The following AOAH variants were observed in gnomAD, a reference collection of about 807,000 sequenced individuals.
AOAH encodes acyloxyacyl hydrolase.
AOAH carries 64 observed loss-of-function variants against 92.2 expected under a neutral mutation model. That is an observed-to-expected ratio of 0.69 (90% CI 0.57 to 0.86). The LOEUF is 0.86. AOAH is among the 40% of genes least tolerant of loss of function. The probability of loss-of-function intolerance (pLI) is 0.00; values close to 1 mark genes in which losing one functional copy is unlikely to be tolerated. For synonymous variants in AOAH, 263 were observed against 254.5 expected (o/e 1.03, Z -0.32); for missense variants, 656 against 694.6 (o/e 0.94, Z 0.62).
At chr7:36,538,832 G>A (rs1209347970) in intron 16 of AOAH, among the ~76,000 whole-genome samples, 1 of 152,196 alleles carries the variant, frequency 6.6e-6, no homozygotes, top group African/African-American at 2.4e-5. Flanking sequence ...CTTAGGTGAG[G>A]CTGTACAGTG....
At chr7:36,671,127 T>C (rs1472360049) in intron 3 of AOAH, among the ~76,000 whole-genome samples, 4 of 152,186 alleles carry the variant, frequency 2.6e-5, no homozygotes, top group East Asian at 3.8e-4. Context: ...ATTCATCAAA[T>C]AGACGAAAAG....
intron 12 of AOAH, among the ~76,000 whole-genome samples, chr7:36,592,202 G>T (rs1317137408): frequency 6.6e-6 from 1 of 152,122 alleles, no homozygotes; most frequent in South Asian, 2.1e-4. Flanking sequence ...TGGGTGGAGG[G>T]CATTTAAACA....
chr7:36,637,965 C>T (rs372717161), intron 4 of AOAH, 55 bp from the exon 5 acceptor site: 8 of 1,404,680 alleles, frequency 5.7e-6, no homozygotes, highest in Middle Eastern at 1.8e-4. Context: ...TTTCTTCCTA[C>T]ATCTTTTCTA....
chr7:36,667,306 C>T (rs1795605496), intron 3 of AOAH, among the ~76,000 whole-genome samples: 1 of 152,204 alleles, frequency 6.6e-6, no homozygotes. Flanking sequence ...CTTTGTTCAG[C>T]ATACCCATGC....
intron 2 of AOAH, 120 bp downstream of exon 2, chr7:36,686,579 A>C: frequency 7.7e-6 from 4 of 522,450 alleles, no homozygotes; most frequent in Non-Finnish European, 1.2e-5. Context: ...ATATCAACCC[A>C]CAGAAATAGC....
In AOAH at chr7:36,618,497, G is replaced by A. The variant is rs545379471; in HGVS notation, c.703-152C>T. 12 of 685,614 alleles carry A rather than the reference G, an allele frequency of 1.8e-5. No homozygotes were observed. The South Asian group carries it at 1.8e-4, about 10-fold the overall frequency. The allele number at this position is 685,614 out of a possible 1,614,324, so 42.5% of individuals were successfully genotyped here. The stretch of plus-strand genomic sequence containing the variant: ...TAAGCCCCTAATTCAACATAGCAAC[G>A]CCCTGTGCGAGCGAGTCGGGTTTGG... On this transcript the variant is annotated intron_variant, in intron 9 of 20. Coordinates refer to ENST00000617537, the MANE Select transcript of AOAH (RefSeq NM_001637.4).
At chr7:36,569,853 TC>T (rs1788008564) in intron 13 of AOAH, among the ~76,000 whole-genome samples, 1 of 152,152 alleles carries the variant, frequency 6.6e-6, no homozygotes, top group Admixed American at 6.5e-5. Context: ...CCTCAAGTAA[TC>T]CACCCACCTT....
chr7:36,677,832 G>A (rs1300987035), intron 2 of AOAH, among the ~76,000 whole-genome samples: 1 of 152,090 alleles, frequency 6.6e-6, no homozygotes, highest in East Asian at 1.9e-4. Context: ...CTATGCTAAG[G>A]GAAAGAAATC....
intron 4 of AOAH, among the ~76,000 whole-genome samples, chr7:36,639,284 A>C (rs1462287687): frequency 6.6e-6 from 1 of 152,206 alleles, no homozygotes; most frequent in African/African-American, 2.4e-5. Flanking sequence ...TTTTCATGCA[A>C]ACTATTCTTA....
At chr7:36,517,458 A>G (rs1480008243) in intron 20 of AOAH, among the ~76,000 whole-genome samples, 1 of 151,660 alleles carries the variant, frequency 6.6e-6, no homozygotes, top group Non-Finnish European at 1.5e-5. Context: ...AGTCTAAAAT[A>G]TTAAAGGAAA....
intron 1 of AOAH, chr7:36,690,005 C>T (rs1193065192): frequency 3.3e-6 from 1 of 306,166 alleles, no homozygotes; most frequent in Non-Finnish European, 6.4e-6. Flanking sequence ...AAATTCAACT[C>T]CATCATTAGC....
intron 6 of AOAH, among the ~76,000 whole-genome samples, chr7:36,625,729 A>T (rs1299549426): frequency 1.3e-5 from 2 of 152,156 alleles, no homozygotes; most frequent in East Asian, 1.9e-4. Flanking sequence ...TTCCACCCCC[A>T]TGATCACCCA....
chr7:36,695,068 G>A (rs964204857), intron 1 of AOAH, among the ~76,000 whole-genome samples: 14 of 151,878 alleles, frequency 9.2e-5, no homozygotes, highest in African/African-American at 2.9e-4. Context: ...CAAAATTTTC[G>A]CAATTGTTTC....
chr7:36,671,924 G>A (rs1584082633), intron 3 of AOAH, among the ~76,000 whole-genome samples: 1 of 152,254 alleles, frequency 6.6e-6, no homozygotes, highest in Admixed American at 6.5e-5. Context: ...GTCCTCCAGA[G>A]GATGTGAAGA....
At chr7:36,579,379 C>G (rs1039799635) in intron 12 of AOAH, among the ~76,000 whole-genome samples, 2 of 125,384 alleles carry the variant, frequency 1.6e-5, no homozygotes, top group African/African-American at 5.9e-5. Flanking sequence ...CCCGCCCCCC[C>G]CAAATTGTGA....
At chr7:36,646,009 A>G (rs1794199967) in intron 4 of AOAH, among the ~76,000 whole-genome samples, 2 of 152,184 alleles carry the variant, frequency 1.3e-5, no homozygotes, top group South Asian at 4.1e-4. Flanking sequence ...TCTTAAAAAA[A>G]GCGTTATTTT....
At chr7:36,528,034 A>G (rs964212914) in intron 19 of AOAH, among the ~76,000 whole-genome samples, 4 of 152,218 alleles carry the variant, frequency 2.6e-5, no homozygotes, top group Non-Finnish European at 1.5e-5. Context: ...ACATGGCGGC[A>G]CCTAGACATC....
chr7:36,605,189 G>T (rs1790911819), intron 11 of AOAH, among the ~76,000 whole-genome samples: 1 of 152,172 alleles, frequency 6.6e-6, no homozygotes, highest in Non-Finnish European at 1.5e-5. Flanking sequence ...CTAGAGCTGG[G>T]CTGGATAATC....
intron 1 of AOAH, among the ~76,000 whole-genome samples, chr7:36,695,246 T>C (rs1407904738): frequency 6.6e-6 from 1 of 152,336 alleles, no homozygotes; most frequent in East Asian, 1.9e-4. Context: ...TTATATTTTT[T>C]AAAAGTACTC....
Sources: allele counts gnomAD v4.1 joint callset (sites outside exome capture counted in the v4.1 genomes callset), GRCh38; gene constraint gnomAD v4.1.1; transcripts MANE v1.5; gene names NCBI Gene and HGNC (gene_info 2026-07-23, HGNC 2026-07-21).